WDR70: variants seen among roughly 807,000 people sequenced by gnomAD.
WDR70 encodes WD repeat-containing protein 70.
In WDR70, 53 loss-of-function variants were observed where a neutral mutation model predicts 88.6. That is an observed-to-expected ratio of 0.60 (90% confidence interval 0.48 to 0.75). The LOEUF (loss-of-function observed/expected upper bound fraction) is 0.75, where lower values mean the gene tolerates loss of function less well. Among genes scored for constraint, WDR70 ranks in the 30% least tolerant of loss-of-function variants. WDR70 has a pLI of 0.00. For synonymous variants in WDR70, 280 were observed against 270.0 expected, an observed-to-expected ratio of 1.04 and a Z score of -0.36; for missense variants, 610 against 823.2, an observed-to-expected ratio of 0.74 and a Z score of 3.17.
chr5:37,557,063 G>T lies in WDR70; in HGVS notation c.917+40473G>T, dbSNP rs1264087848. Among the ~76,000 whole-genome samples, 13 of 152,136 alleles carry T rather than the reference G, an allele frequency of 8.5e-5. No homozygotes were observed. In the East Asian group the frequency reaches 2.5e-3, roughly 29 times the overall value. ...TTAGAGATGAAATCATTGAGATTTT[G>T]ATTTTAGACCTGTGTAACTGCTAAA... On this transcript the variant is annotated intron_variant, in intron 9 of 17. Transcript: ENST00000265107.
At chr5:37,502,533 A>T (rs1258040209) in intron 8 of WDR70, among the ~76,000 whole-genome samples, 1 of 152,164 alleles carries the variant, frequency 6.6e-6, no homozygotes, top group Non-Finnish European at 1.5e-5. Context: ...TTTTTTATGC[A>T]TCCATTGAGG....
chr5:37,444,300 G>A (rs1581283144), intron 7 of WDR70, among the ~76,000 whole-genome samples: 1 of 150,708 alleles, frequency 6.6e-6, no homozygotes, highest in Non-Finnish European at 1.5e-5. Context: ...ATGTTAGAAA[G>A]GGCCTTCCAT....
chr5:37,622,316 T>C (rs1468678458), intron 10 of WDR70, among the ~76,000 whole-genome samples: 1 of 151,786 alleles, frequency 6.6e-6, no homozygotes, highest in Non-Finnish European at 1.5e-5. Flanking sequence ...AGTTCAACCA[T>C]TGTGGAAGTC....
chr5:37,487,303 T>C (rs1243363184), intron 8 of WDR70, among the ~76,000 whole-genome samples: 2 of 152,026 alleles, frequency 1.3e-5, no homozygotes, highest in African/African-American at 2.4e-5. Context: ...GCTTGAGTGA[T>C]GGGTTTTGGT....
At chr5:37,504,724 A>G (rs1284594405) in intron 8 of WDR70, among the ~76,000 whole-genome samples, 1 of 152,228 alleles carries the variant, frequency 6.6e-6, no homozygotes, top group Non-Finnish European at 1.5e-5. Flanking sequence ...AAAGCTTTGC[A>G]TATGTAGATA....
chr5:37,700,975 G>T, intron 11 of WDR70, 83 bp from the exon 12 acceptor site: 3 of 810,482 alleles, frequency 3.7e-6, no homozygotes, highest in South Asian at 1.5e-5. Context: ...TATACATTAA[G>T]TTTAGCAGAC....
intron 9 of WDR70, among the ~76,000 whole-genome samples, chr5:37,589,287 C>CACA (rs769055006): frequency 6.9e-6 from 1 of 144,930 alleles, no homozygotes; most frequent in Non-Finnish European, 1.5e-5. Context: ...CACACACACA[C>CACA]GATATATTTA....
intron 7 of WDR70, among the ~76,000 whole-genome samples, chr5:37,477,792 G>A (rs1367301999): frequency 6.6e-6 from 1 of 151,984 alleles, no homozygotes; most frequent in African/African-American, 2.4e-5. Flanking sequence ...TTCTTTTATA[G>A]GGTTTCTCTC....
chr5:37,379,969 A>T (rs1748373583), intron 2 of WDR70, among the ~76,000 whole-genome samples: 2 of 152,218 alleles, frequency 1.3e-5, no homozygotes, highest in South Asian at 4.1e-4. Flanking sequence ...CTTGATGCTT[A>T]TTGCCGTAAT....
At chr5:37,721,260 G>C (rs1468129163) in intron 14 of WDR70, 45 bp downstream of exon 14, 1 of 1,555,244 alleles carries the variant, frequency 6.4e-7, no homozygotes, top group Non-Finnish European at 8.9e-7. Flanking sequence ...ACAACAACTG[G>C]GGGGAGGGAT....
intron 7 of WDR70, among the ~76,000 whole-genome samples, chr5:37,474,812 T>C (rs1739428706): frequency 1.3e-5 from 2 of 152,224 alleles, no homozygotes; most frequent in African/African-American, 4.8e-5. Flanking sequence ...CTCCCACTTA[T>C]AAGTGAGAAC....
intron 5 of WDR70, among the ~76,000 whole-genome samples, chr5:37,408,251 C>A (rs1242580774): frequency 6.6e-6 from 1 of 152,040 alleles, no homozygotes; most frequent in Non-Finnish European, 1.5e-5. Context: ...GTGGGTGCAT[C>A]ACCTAAGGTC....
chr5:37,450,517 C>A (rs1433187615), intron 7 of WDR70, among the ~76,000 whole-genome samples: 1 of 152,154 alleles, frequency 6.6e-6, no homozygotes, highest in Admixed American at 6.5e-5. Flanking sequence ...TTTATTCTAA[C>A]CTTCATGCTT....
chr5:37,505,618 T>A lies in WDR70; in HGVS notation c.841-10896T>A, dbSNP rs1740536439. 4.0e-6 allele frequency: 3 copies of A among 747,694 alleles called. No homozygotes were observed. The East Asian group carries it at 7.3e-5, about 18-fold the overall frequency. The allele number at this position is 747,694 out of a possible 1,614,324, so 46.3% of individuals were successfully genotyped here. ...GTGTTACTTCTTCTAGACAACTGAGTGGGTGGAGAAAGAAAAGTGATAAGG... is the reference window on the plus strand; with the variant it reads ...GTGTTACTTCTTCTAGACAACTGAGAGGGTGGAGAAAGAAAAGTGATAAGG... On this transcript the variant is annotated intron_variant, in intron 8 of 17. Coordinates refer to ENST00000265107, the MANE Select transcript of WDR70 (RefSeq NM_018034.4).
At position 37,627,159 on chromosome 5, in the gene WDR70, G is replaced by T. The variant is rs1260287067; in HGVS notation, c.1092+21921G>T. Reference sequence around the variant, plus strand: ...GCTGGAGTGCAGTGGCTTGATCTTGGCTTATTGCAGCCTCAGCTTCCTGAG... The same window carrying T: ...GCTGGAGTGCAGTGGCTTGATCTTGTCTTATTGCAGCCTCAGCTTCCTGAG... On this transcript the variant is annotated intron_variant, in intron 10 of 17. Coordinates refer to ENST00000265107, the MANE Select transcript of WDR70 (RefSeq NM_018034.4). Among the ~76,000 whole-genome samples the T allele has an allele frequency of 2.0e-5, 3 of 152,156 alleles. No individual in the cohort carries two copies. The South Asian group carries it at 6.2e-4, about 32-fold the overall frequency.
chr5:37,445,473 A>G (rs977986263), intron 7 of WDR70, among the ~76,000 whole-genome samples: 2 of 151,762 alleles, frequency 1.3e-5, no homozygotes, highest in African/African-American at 4.8e-5. Flanking sequence ...AAACTTTTCC[A>G]TTGATGTTCA....
chr5:37,674,692 T>A (rs1233405178), intron 10 of WDR70, among the ~76,000 whole-genome samples: 1 of 152,106 alleles, frequency 6.6e-6, no homozygotes, highest in Non-Finnish European at 1.5e-5. Flanking sequence ...GCAATAAACA[T>A]ACGTGTGCAT....
intron 7 of WDR70, among the ~76,000 whole-genome samples, chr5:37,465,320 A>C (rs1236520031): frequency 6.6e-6 from 1 of 152,192 alleles, no homozygotes; most frequent in Non-Finnish European, 1.5e-5. Flanking sequence ...TTGTAGTGAA[A>C]TGCTTCACAT....
intron 9 of WDR70, among the ~76,000 whole-genome samples, chr5:37,596,479 A>T (rs191831368): frequency 6.6e-6 from 1 of 152,136 alleles, no homozygotes; most frequent in African/African-American, 2.4e-5. Flanking sequence ...GTAGTGTGAA[A>T]CTTTGAAGAA....
Sources: gnomAD v4.1 joint callset for allele counts (sites outside exome capture counted in the v4.1 genomes callset) on GRCh38, gnomAD v4.1.1 for gene constraint, MANE v1.5 for transcripts, NCBI Gene and HGNC (gene_info 2026-07-23, HGNC 2026-07-21) for gene names.